Variants in SPON1 observed in about 807,000 individuals in gnomAD.
SPON1 encodes spondin-1.
A neutral mutation model predicts 111.7 loss-of-function variants in SPON1; 52 were observed. That is an observed-to-expected ratio of 0.47 (90% confidence interval 0.37 to 0.59). SPON1 has a LOEUF of 0.59. Among genes scored for constraint, SPON1 ranks in the 20% least tolerant of loss-of-function variants. The pLI, the probability that SPON1 is intolerant of heterozygous loss-of-function variation, is 0.00. For synonymous variants in SPON1, 410 were observed against 395.8 expected, an observed-to-expected ratio of 1.04 and a Z score of -0.43; for missense variants, 957 against 1,068.5, an observed-to-expected ratio of 0.90 and a Z score of 1.46.
chr11:14,016,751 G>A (rs1848446832), intron 2 of SPON1, among the ~76,000 whole-genome samples: 1 of 152,122 alleles, frequency 6.6e-6, no homozygotes, highest in African/African-American at 2.4e-5. Flanking sequence ...GACTAAAATT[G>A]GGAAAGTCAA....
intron 5 of SPON1, among the ~76,000 whole-genome samples, chr11:14,095,887 C>T (rs1490529508): frequency 6.6e-6 from 1 of 152,156 alleles, no homozygotes; most frequent in Non-Finnish European, 1.5e-5. Flanking sequence ...AACAATAATC[C>T]CACTGCTTCC....
At position 14,259,042 on chromosome 11, in the gene SPON1, A is replaced by G. The variant is rs1296738690; in HGVS notation, c.1493-238A>G. On this transcript the variant is annotated intron_variant, in intron 11 of 15. Coordinates refer to ENST00000576479, the MANE Select transcript of SPON1 (RefSeq NM_006108.4). The surrounding 1 kb of genome is among the most constrained non-coding windows in gnomAD (Gnocchi z 5.0). ...TAAACACCATCCTTTCCATACAAGC[A>G]TCTTTCGAATGTATTTTCATGAGAT... 6.6e-6 allele frequency among the ~76,000 whole-genome samples: 1 copy of G among 152,212 alleles called. No individual in the cohort carries two copies. The highest frequency in any genetic ancestry group is 1.5e-5 in the Non-Finnish European group (1 of 68,032).
intron 1 of SPON1, among the ~76,000 whole-genome samples, chr11:13,975,659 G>A (rs1257722036): frequency 6.6e-6 from 1 of 152,178 alleles, no homozygotes; most frequent in Non-Finnish European, 1.5e-5. Context: ...GTCATGGGCT[G>A]TAGGAAGCCT....
chr11:14,148,650 A>G (rs1847752708), intron 6 of SPON1, among the ~76,000 whole-genome samples: 1 of 152,172 alleles, frequency 6.6e-6, no homozygotes, highest in East Asian at 1.9e-4. Flanking sequence ...AATATACTTC[A>G]CATGTCCAAA....
chr11:14,150,825 A>T (rs79426109), intron 6 of SPON1, among the ~76,000 whole-genome samples: 12,315 of 152,202 alleles, frequency 0.081, 651 homozygotes, highest in East Asian at 0.18. Flanking sequence ...GTAGGGCTTA[A>T]CCTTGCCTTG....
chr11:14,102,792 A>G (rs1453299326), intron 5 of SPON1, among the ~76,000 whole-genome samples: 1 of 152,220 alleles, frequency 6.6e-6, no homozygotes, highest in African/African-American at 2.4e-5. Flanking sequence ...TTTGGCAGGG[A>G]TACCACAGCC....
chr11:14,154,462 A>T (rs145174729), intron 6 of SPON1, among the ~76,000 whole-genome samples: 2 of 152,196 alleles, frequency 1.3e-5, no homozygotes, highest in Non-Finnish European at 2.9e-5. Flanking sequence ...CCGCTTAGCC[A>T]TGGCTGGAGC....
intron 6 of SPON1, among the ~76,000 whole-genome samples, chr11:14,207,678 C>T (rs1339029235): frequency 1.3e-5 from 2 of 152,066 alleles, no homozygotes; most frequent in Non-Finnish European, 2.9e-5. Flanking sequence ...TCTCACACCA[C>T]TCAGAATAGC....
intron 6 of SPON1, among the ~76,000 whole-genome samples, chr11:14,187,959 T>C (rs782233795): frequency 1.4e-4 from 21 of 152,152 alleles, no homozygotes; most frequent in Non-Finnish European, 2.5e-4. Context: ...TTTTGTATTA[T>C]TAGTAGAGAC....
chr11:14,261,170 C>CAGACTGGTAAG (rs1213001948), intron 14 of SPON1, among the ~76,000 whole-genome samples: 1 of 152,134 alleles, frequency 6.6e-6, no homozygotes, highest in African/African-American at 2.4e-5. Flanking sequence ...ATGACTCCTG[C>CAGACTGGTAAG]AGACTGGTAA....
intron 3 of SPON1, among the ~76,000 whole-genome samples, chr11:14,074,746 G>T (rs572694450): frequency 6.6e-6 from 1 of 152,216 alleles, no homozygotes; most frequent in African/African-American, 2.4e-5. Flanking sequence ...TCATTTTTCA[G>T]CCTCAAAATA....
intron 5 of SPON1, among the ~76,000 whole-genome samples, chr11:14,087,340 T>C (rs1849014922): frequency 6.6e-6 from 1 of 152,218 alleles, no homozygotes; most frequent in Non-Finnish European, 1.5e-5. Flanking sequence ...TTCTGGTACA[T>C]TGTCTCTTTA....
At position 14,255,916 on chromosome 11, in the gene SPON1, C is replaced by A; in HGVS notation, c.1233+129C>A. 4.0e-6 allele frequency: 4 copies of A among 990,518 alleles called. No individual in the cohort carries two copies. The South Asian group carries it at 5.7e-5, about 14-fold the overall frequency. 61.4% of individuals were successfully genotyped at this position (990,518 alleles called of 1,614,324 possible). ...ACCTCAGGATATGGAATTCCTGGGC[C>A]TCCCCAGGTTTCTAACATGCAAATT... On this transcript the variant is annotated intron_variant, in intron 9 of 15. Transcript: ENST00000576479.
At chr11:14,172,184 G>C (rs1240784797) in intron 6 of SPON1, among the ~76,000 whole-genome samples, 1 of 151,874 alleles carries the variant, frequency 6.6e-6, no homozygotes, top group African/African-American at 2.4e-5. Context: ...TCCTGTATTG[G>C]GTGCATATAT....
chr11:13,965,308 C>A (rs1554907936), intron 1 of SPON1, among the ~76,000 whole-genome samples: 1 of 152,070 alleles, frequency 6.6e-6, no homozygotes, highest in East Asian at 1.9e-4. Context: ...CTAATGCAAG[C>A]CCAGGAAGAT....
At chr11:14,096,867 G>A (rs1242473466) in intron 5 of SPON1, among the ~76,000 whole-genome samples, 4 of 152,106 alleles carry the variant, frequency 2.6e-5, no homozygotes, top group Admixed American at 2.6e-4. Flanking sequence ...TTGATTCTTA[G>A]ACTCTGTACA....
intron 3 of SPON1, among the ~76,000 whole-genome samples, chr11:14,057,637 G>A (rs191814497): frequency 1.5e-4 from 23 of 152,144 alleles, no homozygotes; most frequent in African/African-American, 5.1e-4. Flanking sequence ...AAATGCTTCA[G>A]GGTAAATAAG....
chr11:14,076,718 T>C (rs782711157), intron 4 of SPON1, among the ~76,000 whole-genome samples: 5 of 152,136 alleles, frequency 3.3e-5, no homozygotes, highest in African/African-American at 4.8e-5. Context: ...TGTCCTCCTG[T>C]AGATGAGCTG....
chr11:13,968,686 G>A (rs1347512469), intron 1 of SPON1, among the ~76,000 whole-genome samples: 3 of 152,110 alleles, frequency 2.0e-5, no homozygotes, highest in South Asian at 2.1e-4. Flanking sequence ...CGTTACAGCC[G>A]AGGAGAACCT....
Sources: gnomAD v4.1 joint callset for allele counts (sites outside exome capture counted in the v4.1 genomes callset) on GRCh38, gnomAD v4.1.1 for gene constraint, Gnocchi (gnomAD v3.1) non-coding constraint, MANE v1.5 for transcripts, NCBI Gene and HGNC (gene_info 2026-07-23, HGNC 2026-07-21) for gene names.